Variants in DYNAP observed in about 807,000 individuals in gnomAD.
DYNAP encodes dynactin associated protein.
In DYNAP, 7 loss-of-function variants were observed where a neutral mutation model predicts 8.5. That is an observed-to-expected ratio of 0.82 (90% CI 0.47 to 1.54). DYNAP has a LOEUF of 1.54. DYNAP is among the 40% of genes most tolerant of loss of function. The pLI, the probability that DYNAP is intolerant of heterozygous loss-of-function variation, is 0.01. For synonymous variants in DYNAP, 77 were observed against 77.9 expected (o/e 0.99, Z 0.06); for missense variants, 256 against 224.3 (o/e 1.14, Z -0.90).
upstream of DYNAP, among the ~76,000 whole-genome samples, chr18:54,589,953 AAGAGTAAATCTTT>A (rs1211798375): frequency 3.9e-5 from 6 of 152,268 alleles, no homozygotes; most frequent in East Asian, 1.2e-3. Context: ...TTGCTTCAAG[AAGAGTAAATCTTT>A]ATGTTTTTCT....
chr18:54,575,802 C>A, the DYNAP span, among the ~76,000 whole-genome samples: 1 of 151,922 alleles, frequency 6.6e-6, no homozygotes, highest in African/African-American at 2.4e-5. Flanking sequence ...ATTAACATAA[C>A]ATGCACACAC....
At chr18:54,576,091 T>A in the DYNAP span, among the ~76,000 whole-genome samples, 1 of 152,244 alleles carries the variant, frequency 6.6e-6, no homozygotes. Context: ...TAATTATATA[T>A]GTGTGTCCCT....
the DYNAP span, among the ~76,000 whole-genome samples, chr18:54,578,012 CTGGGACTG>C: frequency 6.7e-6 from 1 of 150,216 alleles, no homozygotes; most frequent in Non-Finnish European, 1.5e-5. Flanking sequence ...TTGCTAAATA[CTGGGACTG>C]TGGGACTGAA....
At chr18:54,589,840 C>T (rs989570297), upstream of DYNAP, among the ~76,000 whole-genome samples, 3 of 151,972 alleles carry the variant, frequency 2.0e-5, no homozygotes, top group Admixed American at 1.3e-4. Flanking sequence ...TTCTGATTTT[C>T]AAATGAATCA....
rs1911386991 is a variant in DYNAP at position 54,598,075 on chromosome 18, C to T, written c.485C>T (p.Thr162Ile). ...TVPASTATES[T>I]TSTATAATTS... ...CCTGCAAGTACAGCCACTGAATCTA[C>T]AACTTCAACAGCTACAGCTGCCACC... Residue 162 changes from threonine (T) to isoleucine (I), a missense_variant, in exon 3 of 3, where the codon ACA (threonine) becomes ATA (isoleucine). Coordinates refer to ENST00000648945, the MANE Select transcript of DYNAP (RefSeq NM_173629.3). 2.5e-6 allele frequency: 4 copies of T among 1,613,062 alleles called. No homozygotes were observed. Among genetic ancestry groups the T allele is most frequent in the Non-Finnish European group, 3.4e-6 (4 of 1,179,520 alleles).
chr18:54,576,494 C>T, the DYNAP span, among the ~76,000 whole-genome samples: 1 of 152,012 alleles, frequency 6.6e-6, no homozygotes, highest in South Asian at 2.1e-4. Context: ...ATGACATAAG[C>T]ATTTTCCAAA....
intron 2 of DYNAP, among the ~76,000 whole-genome samples, chr18:54,597,199 C>T (rs1320976254): frequency 6.6e-6 from 1 of 151,612 alleles, no homozygotes; most frequent in Non-Finnish European, 1.5e-5. Context: ...TTCTCAACAA[C>T]AATATGAGAT....
chr18:54,579,381 C>T, the DYNAP span, among the ~76,000 whole-genome samples: 3 of 152,006 alleles, frequency 2.0e-5, no homozygotes, highest in Non-Finnish European at 2.9e-5. Context: ...TTTCAAAACT[C>T]AAATAATTCT....
At chr18:54,596,791 T>C (rs938391255) in intron 2 of DYNAP, among the ~76,000 whole-genome samples, 2 of 152,052 alleles carry the variant, frequency 1.3e-5, no homozygotes, top group African/African-American at 4.8e-5. Context: ...GCCACTTTCT[T>C]TTCTTGAACC....
the DYNAP span, among the ~76,000 whole-genome samples, chr18:54,577,708 G>T: frequency 6.6e-6 from 1 of 150,384 alleles, no homozygotes; most frequent in African/African-American, 2.4e-5. Context: ...AAGGGATCAC[G>T]CCTGTAACCC....
At position 54,591,380 on chromosome 18, in the gene DYNAP, C is replaced by A. The variant is rs530237694; in HGVS notation, c.57+41C>A. ...CCATTTTGATAGTTTGCCTATATTA[C>A]AGTTTCATTTTCAGCATTTAAAAGC... On this transcript the variant is annotated intron_variant, in intron 1 of 2. Transcript: ENST00000648945. 1.3e-4 allele frequency: 198 copies of A among 1,563,022 alleles called. 1 individual carries two copies. The South Asian group carries it at 2.3e-3, about 18-fold the overall frequency.
chr18:54,594,780 T>C (rs1911215555), intron 1 of DYNAP, among the ~76,000 whole-genome samples, 159 bp from the exon 2 acceptor site: 1 of 152,164 alleles, frequency 6.6e-6, no homozygotes, highest in Admixed American at 6.6e-5. Context: ...GTATAATATA[T>C]AATAATCTGT....
the DYNAP span, among the ~76,000 whole-genome samples, chr18:54,579,789 C>T: frequency 1.3e-5 from 2 of 152,194 alleles, no homozygotes; most frequent in Non-Finnish European, 2.9e-5. Flanking sequence ...ATGGAATTTT[C>T]ATTATTTGAA....
upstream of DYNAP, among the ~76,000 whole-genome samples, chr18:54,588,443 G>A (rs1910957205): frequency 2.0e-5 from 3 of 152,118 alleles, no homozygotes; most frequent in Admixed American, 1.3e-4. Flanking sequence ...GACCTCAGGT[G>A]ATTTGCCCAC....
the DYNAP span, among the ~76,000 whole-genome samples, chr18:54,577,427 A>T: frequency 2.6e-5 from 4 of 152,032 alleles, no homozygotes; most frequent in African/African-American, 4.8e-5. Flanking sequence ...TCTCTAAAAA[A>T]AAAATTAGCA....
At chr18:54,595,516 A>G (rs1445370643) in intron 2 of DYNAP, among the ~76,000 whole-genome samples, 1 of 152,026 alleles carries the variant, frequency 6.6e-6, no homozygotes, top group African/African-American at 2.4e-5. Context: ...TTTGGCGATC[A>G]CCTTATTTTC....
chr18:54,577,617 A>C, the DYNAP span, among the ~76,000 whole-genome samples: 5 of 151,520 alleles, frequency 3.3e-5, no homozygotes, highest in South Asian at 2.1e-4. Flanking sequence ...AAAAAAAAAA[A>C]AAAACACAAA....
At chr18:54,579,484 C>T in the DYNAP span, among the ~76,000 whole-genome samples, 4 of 152,170 alleles carry the variant, frequency 2.6e-5, no homozygotes, top group East Asian at 1.9e-4. Flanking sequence ...GACAGCATCA[C>T]GTTTTCCATA....
chr18:54,595,135 T>G (rs1197431066), intron 2 of DYNAP, 32 bp downstream of exon 2: 4 of 1,593,196 alleles, frequency 2.5e-6, no homozygotes, highest in Non-Finnish European at 3.4e-6. Context: ...TTTATTCAAG[T>G]TGGGATGTGC....
Sources: gnomAD v4.1 joint callset for allele counts (sites outside exome capture counted in the v4.1 genomes callset) on GRCh38, gnomAD v4.1.1 for gene constraint, MANE v1.5 for transcripts, NCBI Gene and HGNC (gene_info 2026-07-23, HGNC 2026-07-21) for gene names.